The following USP40 variants were observed in gnomAD, a reference collection of about 807,000 sequenced individuals.
USP40 encodes ubiquitin specific peptidase 40, also known as ubiquitin carboxyl-terminal hydrolase 40.
Under a neutral mutation model 166.2 loss-of-function variants are expected in USP40, and 143 were observed. The observed-to-expected ratio is 0.86, with a 90% CI of 0.75 to 0.99. The LOEUF is 0.99. Among genes scored for constraint, USP40 ranks in the 50% least tolerant of loss-of-function variants. USP40 has a pLI of 0.00. For synonymous variants in USP40, 498 were observed against 524.0 expected (o/e 0.95, Z 0.68); for missense variants, 1,444 against 1,479.7 (o/e 0.98, Z 0.40).
At chr2:233,524,605 G>A in intron 14 of USP40, 43 bp from the exon 15 acceptor site, 1 of 1,437,854 alleles carries the variant, frequency 7.0e-7, no homozygotes. Flanking sequence ...ATGACCATCA[G>A]AAACAACTGA....
chr2:233,554,173 C>T (rs1295036295), intron 6 of USP40, among the ~76,000 whole-genome samples: 1 of 151,992 alleles, frequency 6.6e-6, no homozygotes, highest in East Asian at 1.9e-4. Context: ...AAGTTTTCCC[C>T]GGAGAAAAGG....
chr2:233,486,036 C>G lies in USP40; in HGVS notation c.3198-59G>C. On this transcript the variant is annotated intron_variant, in intron 28 of 31. Coordinates refer to ENST00000678225, the MANE Select transcript of USP40 (RefSeq NM_001365479.2). This position sits in a 1 kb window ranked among gnomAD's most constrained non-coding sequence, Gnocchi z 4.0. ...ACAAACAAACAAAACCACGTGGTAA[C>G]TTGAGGCATAATGGGCAAAGCTTCT... 1.3e-6 allele frequency: 2 copies of G among 1,508,182 alleles called. No homozygotes were observed. The highest frequency in any genetic ancestry group is 1.8e-6 in the Non-Finnish European group (2 of 1,131,482). 93.4% of individuals were successfully genotyped at this position (1,508,182 alleles called of 1,614,324 possible). A position where few individuals can be genotyped will look rare whatever the true frequency, so the allele number is the denominator to read the frequency against.
intron 21 of USP40, among the ~76,000 whole-genome samples, chr2:233,501,559 G>A (rs1325166664): frequency 1.3e-5 from 2 of 152,234 alleles, no homozygotes; most frequent in Non-Finnish European, 2.9e-5. Flanking sequence ...AGATGAAAAA[G>A]ATGACAGGTT....
intron 31 of USP40, among the ~76,000 whole-genome samples, chr2:233,478,985 C>CAA (rs36126125): frequency 1.3e-4 from 19 of 150,174 alleles, no homozygotes; most frequent in East Asian, 3.9e-4. Context: ...CTATTAACTC[C>CAA]AAAAAAAAAT....
At chr2:233,487,260 C>T (rs1240025187) in intron 28 of USP40, among the ~76,000 whole-genome samples, 1 of 152,142 alleles carries the variant, frequency 6.6e-6, no homozygotes, top group Non-Finnish European at 1.5e-5. Context: ...GTCATCAAAG[C>T]ACTGGAGAAT....
chr2:233,527,356 G>A, intron 13 of USP40, 51 bp downstream of exon 13: 1 of 1,575,396 alleles, frequency 6.3e-7, no homozygotes, highest in Non-Finnish European at 8.7e-7. Flanking sequence ...GGAGAGTCTA[G>A]CTGGAGATGG....
Position 233,538,124 on chromosome 2 carries a change from C to A in USP40, c.1170+2538G>T, listed in dbSNP as rs190827874. ...CATGTTAATTTATATATAGTGTAAT[C>A]GCTAGATGAAATTAAATAGATTAAA... On this transcript the variant is annotated intron_variant, in intron 10 of 31. Transcript: ENST00000678225. 2.0e-5 allele frequency among the ~76,000 whole-genome samples: 3 copies of A among 151,520 alleles called. No individual in the cohort carries two copies. In the South Asian group the frequency reaches 6.2e-4, roughly 32 times the overall value.
intron 25 of USP40, 142 bp from the exon 26 acceptor site, chr2:233,491,403 C>A (rs1024087928): frequency 6.0e-6 from 4 of 668,034 alleles, no homozygotes; most frequent in Non-Finnish European, 1.1e-5. Context: ...TATGAGGAGG[C>A]CCTGTCTGGC....
chr2:233,516,784 G>C (rs920762980), intron 18 of USP40, among the ~76,000 whole-genome samples: 32 of 151,492 alleles, frequency 2.1e-4, no homozygotes, highest in Non-Finnish European at 2.9e-5. Flanking sequence ...TTGAACCCAG[G>C]AGACAGAGGT....
chr2:233,504,346 C>T (rs1158920066), intron 21 of USP40, among the ~76,000 whole-genome samples: 1 of 151,722 alleles, frequency 6.6e-6, no homozygotes, highest in Non-Finnish European at 1.5e-5. Flanking sequence ...ATAAAAGTGA[C>T]TGAATGGGTT....
chr2:233,508,835 T>C (rs140134834), intron 21 of USP40, among the ~76,000 whole-genome samples: 2 of 152,350 alleles, frequency 1.3e-5, no homozygotes, highest in African/African-American at 4.8e-5. Flanking sequence ...TTGTATAGGA[T>C]CATTATGAAC....
rs1385693387 is a variant in USP40, at chr2:233,486,691, A to G, written c.3198-714T>C. ...ACTTCTATTAAGTGTTTTTACCATC[A>G]AAAGAGGTCACGCAATGAGAAATGA... On this transcript the variant is annotated intron_variant, in intron 28 of 31. Coordinates refer to ENST00000678225, the MANE Select transcript of USP40 (RefSeq NM_001365479.2). The surrounding 1 kb of genome is among the most constrained non-coding windows in gnomAD (Gnocchi z 4.0). Among the ~76,000 whole-genome samples the G allele has an allele frequency of 6.6e-6, 1 of 152,242 alleles. No individual in the cohort carries two copies. Among genetic ancestry groups the G allele is most frequent in the African/African-American group, 2.4e-5 (1 of 41,466 alleles).
At chr2:233,535,037 C>A (rs1039915208) in intron 10 of USP40, among the ~76,000 whole-genome samples, 13 of 152,302 alleles carry the variant, frequency 8.5e-5, no homozygotes, top group Non-Finnish European at 1.8e-4. Context: ...TCTGCACTCA[C>A]CTACCTACTA....
At chr2:233,520,878 TA>T in intron 17 of USP40, 112 bp downstream of exon 17, 1 of 1,184,296 alleles carries the variant, frequency 8.4e-7, no homozygotes. Context: ...GCTGACTTCC[TA>T]AGAGCTGAAG....
chr2:233,509,711 G>A (rs900776027), intron 21 of USP40, among the ~76,000 whole-genome samples: 11 of 151,520 alleles, frequency 7.3e-5, no homozygotes, highest in African/African-American at 2.7e-4. Flanking sequence ...TGTGGTAGTA[G>A]GTAACTGTAA....
At chr2:233,512,662 G>A in intron 18 of USP40, 40 bp from the exon 19 acceptor site, 1 of 824,774 alleles carries the variant, frequency 1.2e-6, no homozygotes, top group Non-Finnish European at 1.7e-6. Context: ...AGAGAGCTAG[G>A]AATTAATAAC....
At chr2:233,526,261 T>G (rs2068020838) in intron 13 of USP40, among the ~76,000 whole-genome samples, 2 of 152,204 alleles carry the variant, frequency 1.3e-5, no homozygotes, top group Non-Finnish European at 2.9e-5. Flanking sequence ...GAATAGTTAG[T>G]AGGCATATAC....
intron 4 of USP40, 124 bp from the exon 5 acceptor site, chr2:233,557,143 T>G (rs757520105): frequency 6.0e-5 from 50 of 839,280 alleles, no homozygotes; most frequent in Non-Finnish European, 8.6e-5. Context: ...GATATAAGAA[T>G]GACTCAGCAA....
At chr2:233,529,076 G>C (rs2068284099) in intron 12 of USP40, among the ~76,000 whole-genome samples, 1 of 152,198 alleles carries the variant, frequency 6.6e-6, no homozygotes. Flanking sequence ...TTACCTATGA[G>C]GGGTGATTTT....
Sources: gnomAD v4.1 joint callset for allele counts (sites outside exome capture counted in the v4.1 genomes callset) on GRCh38, gnomAD v4.1.1 for gene constraint, Gnocchi (gnomAD v3.1) non-coding constraint, MANE v1.5 for transcripts, NCBI Gene and HGNC (gene_info 2026-07-23, HGNC 2026-07-21) for gene names.